LRSAM1: variants seen among roughly 807,000 people sequenced by gnomAD.
The protein encoded by LRSAM1 is E3 ubiquitin-protein ligase LRSAM1.
Under a neutral mutation model 118.1 loss-of-function variants are expected in LRSAM1, and 96 were observed. The observed-to-expected ratio is 0.81, with a 90% CI of 0.69 to 0.96. LRSAM1 has a LOEUF of 0.96. LRSAM1 is among the 40% of genes least tolerant of loss of function. The probability of loss-of-function intolerance (pLI) is 0.00; values close to 1 mark genes in which losing one functional copy is unlikely to be tolerated. For synonymous variants in LRSAM1, 322 were observed against 364.2 expected (o/e 0.88, Z 1.32); for missense variants, 804 against 915.5 (o/e 0.88, Z 1.57).
In LRSAM1 at chr9:127,459,009, G is replaced by T. The variant is rs1172570035; in HGVS notation, c.259G>T (p.Asp87Tyr). ...AGGGGTCTTTCTTCTGCAGGTTCTA[G>T]ATCTCCACGATAATCAGCTGACAGC... ...LLSLATIKVL[D>Y]LHDNQLTALP... The change falls in exon 7 of 26, where the codon GAT (aspartate) becomes TAT (tyrosine). Residue 87 changes from aspartate to tyrosine, a missense_variant. Transcript: ENST00000300417. 5.0e-6 allele frequency: 8 copies of T among 1,613,596 alleles called. No individual in the cohort carries two copies. Among genetic ancestry groups the T allele is most frequent in the South Asian group, 1.1e-5 (1 of 91,080 alleles).
chr9:127,467,512 G>A (rs1490705385), intron 9 of LRSAM1, among the ~76,000 whole-genome samples: 2 of 152,152 alleles, frequency 1.3e-5, no homozygotes, highest in Non-Finnish European at 2.9e-5. Context: ...TCTCTGCTAG[G>A]AGAGAGTCAC....
chr9:127,457,425 T>A (rs1834561451), intron 6 of LRSAM1, 32 bp downstream of exon 6: 2 of 1,607,032 alleles, frequency 1.2e-6, no homozygotes. Flanking sequence ...CAGCTGGGGC[T>A]CTGCATGGGG....
chr9:127,497,936 G>A (rs921469798), intron 24 of LRSAM1, among the ~76,000 whole-genome samples: 1 of 152,248 alleles, frequency 6.6e-6, no homozygotes, highest in Admixed American at 6.5e-5. Flanking sequence ...TCAAGATGGG[G>A]AAACTGAAGC....
chr9:127,483,869 G>T (rs972504900), intron 16 of LRSAM1, among the ~76,000 whole-genome samples: 1 of 152,104 alleles, frequency 6.6e-6, no homozygotes, highest in Non-Finnish European at 1.5e-5. Flanking sequence ...TGCCATGTTG[G>T]CCAGGCTGCT....
chr9:127,486,606 T>C (rs2246011), intron 17 of LRSAM1: 85,534 of 152,340 alleles, frequency 0.56, 25,376 homozygotes, highest in Non-Finnish European at 0.65. Context: ...TTTCCTGATA[T>C]GTGACACTGT....
At chr9:127,454,218 C>T (rs1344214392) in intron 2 of LRSAM1, among the ~76,000 whole-genome samples, 1 of 151,730 alleles carries the variant, frequency 6.6e-6, no homozygotes, top group Non-Finnish European at 1.5e-5. Flanking sequence ...CCCCGTGGAA[C>T]TCACTGGAAA....
intron 18 of LRSAM1, among the ~76,000 whole-genome samples, chr9:127,488,697 G>A (rs1835820807): frequency 6.7e-6 from 1 of 150,200 alleles, no homozygotes; most frequent in South Asian, 2.1e-4. Context: ...GGGCTCAAAC[G>A]ATCCTCCCAC....
At chr9:127,466,701 C>T (rs1834965128) in intron 9 of LRSAM1, among the ~76,000 whole-genome samples, 1 of 150,550 alleles carries the variant, frequency 6.6e-6, no homozygotes, top group South Asian at 2.1e-4. Context: ...TTTTTTCACT[C>T]ACTTATGTAT....
chr9:127,485,328 C>T (rs1240334472), intron 16 of LRSAM1, among the ~76,000 whole-genome samples: 2 of 152,000 alleles, frequency 1.3e-5, no homozygotes, highest in Middle Eastern at 3.4e-3. Context: ...GAGGCCAAGG[C>T]GGGTGGATCA....
intron 3 of LRSAM1, 109 bp from the exon 4 acceptor site, chr9:127,454,889 A>G: frequency 9.3e-7 from 1 of 1,076,826 alleles, no homozygotes; most frequent in Non-Finnish European, 1.4e-6. Context: ...GGAACCAGAT[A>G]GTGTCTATGG....
At chr9:127,500,975 G>A (rs1390258649) in intron 24 of LRSAM1, 35 bp from the exon 25 acceptor site, 7 of 1,613,616 alleles carry the variant, frequency 4.3e-6, no homozygotes, top group Non-Finnish European at 5.9e-6. Flanking sequence ...CAGCGGAGAT[G>A]ACCCTGGCTC....
intron 21 of LRSAM1, among the ~76,000 whole-genome samples, chr9:127,494,402 C>A (rs905867674): frequency 1.2e-4 from 18 of 152,364 alleles, no homozygotes; most frequent in Admixed American, 3.3e-4. Flanking sequence ...TTCCTGGCCC[C>A]ACCCTGGGCA....
Position 127,484,523 on chromosome 9 carries a change from T to C in LRSAM1, c.1160-1213T>C, listed in dbSNP as rs1835656728. Reference sequence around the variant, plus strand: ...GACTACAGACACATGCCACCTCACCTGGCTAATTTTTTTTTTTTTTGAGGT... The same window carrying C: ...GACTACAGACACATGCCACCTCACCCGGCTAATTTTTTTTTTTTTTGAGGT... On this transcript the variant is annotated intron_variant, in intron 16 of 25. Coordinates refer to ENST00000300417, the MANE Select transcript of LRSAM1 (RefSeq NM_001005373.4). Among the ~76,000 whole-genome samples, 5 of 151,074 alleles carry C rather than the reference T, an allele frequency of 3.3e-5. No homozygotes were observed. The South Asian group carries it at 1.0e-3, about 32-fold the overall frequency.
chr9:127,464,714 G>C (rs1235088739), intron 9 of LRSAM1, among the ~76,000 whole-genome samples: 1 of 151,554 alleles, frequency 6.6e-6, no homozygotes, highest in Admixed American at 6.6e-5. Context: ...CTCAATCATA[G>C]CTCACTGCAG....
At chr9:127,481,278 G>C in intron 15 of LRSAM1, 51 bp downstream of exon 15, 1 of 1,565,402 alleles carries the variant, frequency 6.4e-7, no homozygotes, top group South Asian at 1.1e-5. Context: ...TTTTGAGACG[G>C]AGTCCTGCAC....
In LRSAM1 at chr9:127,487,784, T is replaced by C. The variant is rs753782196; in HGVS notation, c.1347+21T>C. 74 of 1,606,248 alleles carry C rather than the reference T, an allele frequency of 4.6e-5. No homozygotes were observed. In the South Asian group the frequency reaches 6.2e-4, roughly 13 times the overall value. The stretch of plus-strand genomic sequence containing the variant: ...AGGAGGTGAGCCCTCGCCCAGAGCC[T>C]GAGGGTGGGAGCTCAGGAGGGAGGT... On this transcript the variant is annotated intron_variant, in intron 18 of 25. Transcript: ENST00000300417.
chr9:127,459,241 G>A (rs1834646321), intron 7 of LRSAM1, among the ~76,000 whole-genome samples, 170 bp downstream of exon 7: 1 of 143,110 alleles, frequency 7.0e-6, no homozygotes, highest in South Asian at 2.2e-4. Context: ...TTTTGAGGCA[G>A]TGCCTCACTG....
chr9:127,500,721 G>A (rs1038075774), intron 24 of LRSAM1, among the ~76,000 whole-genome samples: 4 of 152,226 alleles, frequency 2.6e-5, no homozygotes, highest in African/African-American at 9.6e-5. Context: ...CTTGCAGGGT[G>A]GCTATGAAGC....
At position 127,456,116 on chromosome 9, in the gene LRSAM1, C is replaced by G. The variant is rs180994211; in HGVS notation, c.174+496C>G. Among the ~76,000 whole-genome samples the G allele has an allele frequency of 6.1e-5, 8 of 131,712 alleles. No homozygotes were observed. The East Asian group carries it at 1.7e-3, about 29-fold the overall frequency. 86.4% of individuals were successfully genotyped at this position (131,712 alleles called of 152,430 possible). On this transcript the variant is annotated intron_variant, in intron 5 of 25. Transcript: ENST00000300417. Reference sequence around the variant, plus strand: ...CAGCAGAGCATTGCAGCTTTGAATGCAGATGGGTAGAAGCGCTCTAAGTGA... The same window carrying G: ...CAGCAGAGCATTGCAGCTTTGAATGGAGATGGGTAGAAGCGCTCTAAGTGA...
Sources: gnomAD v4.1 joint callset for allele counts (sites outside exome capture counted in the v4.1 genomes callset) on GRCh38, gnomAD v4.1.1 for gene constraint, MANE v1.5 for transcripts, NCBI Gene and HGNC (gene_info 2026-07-23, HGNC 2026-07-21) for gene names.